Variants in SLC6A12 observed in about 807,000 individuals in gnomAD.
SLC6A12 encodes the protein sodium- and chloride-dependent betaine transporter.
A neutral mutation model predicts 73.3 loss-of-function variants in SLC6A12; 50 were observed. The observed-to-expected ratio is 0.68, with a 90% CI of 0.54 to 0.86. The LOEUF is 0.86. Among genes scored for constraint, SLC6A12 ranks in the 40% least tolerant of loss-of-function variants. The pLI is 0.00. For synonymous variants in SLC6A12, 304 were observed against 309.2 expected (o/e 0.98, Z 0.18); for missense variants, 648 against 772.8 (o/e 0.84, Z 1.92).
chr12:183,884 A>G, the SLC6A12 span, among the ~76,000 whole-genome samples: 1 of 152,172 alleles, frequency 6.6e-6, no homozygotes, highest in African/African-American at 2.4e-5. Flanking sequence ...CAAGGAACAG[A>G]TAATTCCAAT....
At chr12:186,232 A>T (rs1353870532), downstream of SLC6A12, among the ~76,000 whole-genome samples, 1 of 152,152 alleles carries the variant, frequency 6.6e-6, no homozygotes, top group African/African-American at 2.4e-5. Flanking sequence ...GACAGCACCC[A>T]CAGGCCACAG....
chr12:195,900 C>T (rs776720299), intron 12 of SLC6A12, among the ~76,000 whole-genome samples: 15 of 152,314 alleles, frequency 9.8e-5, no homozygotes, highest in Non-Finnish European at 2.2e-4. Context: ...TGACCCAATA[C>T]ATTCCCCTTT....
intron 4 of SLC6A12, chr12:204,249 AG>A (rs927281408): frequency 5.9e-6 from 2 of 336,872 alleles, no homozygotes; most frequent in African/African-American, 4.2e-5. Context: ...GCCATAGGTA[AG>A]CCAAGCTTCA....
intron 15 of SLC6A12, 140 bp downstream of exon 15, chr12:192,338 G>C (rs1361425567): frequency 4.2e-6 from 3 of 716,212 alleles, no homozygotes; most frequent in African/African-American, 3.5e-5. Context: ...AGTTCGTCTC[G>C]TTAAGATTCT....
intron 3 of SLC6A12, 36 bp from the exon 4 acceptor site, chr12:204,734 C>A: frequency 6.2e-7 from 1 of 1,610,916 alleles, no homozygotes; most frequent in African/African-American, 1.3e-5. Flanking sequence ...GAGCCACACC[C>A]GGGCTCTTCC....
intron 4 of SLC6A12, chr12:203,494 C>G (rs560240766): frequency 6.6e-6 from 1 of 152,112 alleles, no homozygotes; most frequent in Non-Finnish European, 1.5e-5. Flanking sequence ...TGGGGCGGCC[C>G]GGGCGTCCGC....
At chr12:202,967 A>AGGGTATTGGGTATT in intron 4 of SLC6A12, 87 bp from the exon 5 acceptor site, 1 of 1,241,578 alleles carries the variant, frequency 8.1e-7, no homozygotes, top group Non-Finnish European at 1.2e-6. Flanking sequence ...TGAGGTTACA[A>AGGGTATTGGGTATT]GGGTATTGGG....
rs781719176 is a variant in SLC6A12 at position 193,324 on chromosome 12, G to C, written c.1483C>G (p.Pro495Ala). 2.5e-6 allele frequency: 4 copies of C among 1,613,940 alleles called. No individual in the cohort carries two copies. Among genetic ancestry groups the C allele is most frequent in the Non-Finnish European group, 3.4e-6 (4 of 1,179,958 alleles). The stretch of plus-strand genomic sequence containing the variant: ...AAGAGCCAGGAGATCTTCACCAGGG[G>C]CCATGGCCGGTAGCCAATCATGTCC... ...IEDMIGYRPW[P>A]LVKISWLFLT... Residue 495 changes from proline (P) to alanine (A), a missense_variant, in exon 14 of 16, where the codon CCC (proline) becomes GCC (alanine). Pro to Ala is a conservative substitution (Grantham distance 27, BLOSUM62 -1). Transcript: ENST00000684302.
At chr12:201,555 G>A (rs768155546) in intron 6 of SLC6A12, 2 of 568,114 alleles carry the variant, frequency 3.5e-6, no homozygotes, top group Non-Finnish European at 6.4e-6. Context: ...GGACATGACG[G>A]ATAAATGTGA....
At chr12:205,470 C>G (rs185439888) in intron 3 of SLC6A12, among the ~76,000 whole-genome samples, 5 of 152,330 alleles carry the variant, frequency 3.3e-5, no homozygotes, top group African/African-American at 1.2e-4. Context: ...AAAACAACCT[C>G]CCATGGGGCA....
At position 191,382 on chromosome 12, in the gene SLC6A12, G is replaced by A. The variant is rs550431520; in HGVS notation, c.1702-171C>T. On this transcript the variant is annotated intron_variant, in intron 15 of 15. Transcript: ENST00000684302. ...AGGTGAGAAGGGAGGCAGCAATACC[G>A]TGACTACGAATGAGTGTGCGCTGCC... Among the ~76,000 whole-genome samples the A allele has an allele frequency of 4.6e-5, 7 of 152,344 alleles. No homozygotes were observed. The South Asian group carries it at 1.2e-3, about 27-fold the overall frequency.
At chr12:205,432 C>T (rs889227987) in intron 3 of SLC6A12, among the ~76,000 whole-genome samples, 1 of 152,202 alleles carries the variant, frequency 6.6e-6, no homozygotes, top group Non-Finnish European at 1.5e-5. Context: ...CACTCTTGTA[C>T]GTACTTCATC....
At chr12:184,898 G>A in the SLC6A12 span, among the ~76,000 whole-genome samples, 14 of 150,374 alleles carry the variant, frequency 9.3e-5, no homozygotes, top group African/African-American at 2.5e-4. Flanking sequence ...AAGCCACTGC[G>A]CTCCAGCCTG....
rs763174593 is a variant in SLC6A12 at position 192,464 on chromosome 12, C to CCTACA, written c.1701+9_1701+13dup. On this transcript the variant is annotated intron_variant, in intron 15 of 15. Transcript: ENST00000684302. Reference sequence around the variant, plus strand: ...GCCCTCCTTTAAGAGGTCACTCTCCCCTACACCACCTACCTTCCTGAAAGG... The same window carrying CCTACA: ...GCCCTCCTTTAAGAGGTCACTCTCCCCTACACTACACCACCTACCTTCCTGAAAGG... The CCTACA allele has an allele frequency of 2.5e-6, 4 of 1,613,368 alleles. No homozygotes were observed. Among genetic ancestry groups the CCTACA allele is most frequent in the South Asian group, 1.1e-5 (1 of 91,026 alleles).
intron 5 of SLC6A12, 32 bp downstream of exon 5, chr12:202,708 G>A (rs747647569): frequency 1.4e-5 from 23 of 1,603,284 alleles, no homozygotes; most frequent in Non-Finnish European, 1.8e-5. Flanking sequence ...GCCCCTAACA[G>A]GCAACATCCC....
intron 3 of SLC6A12, 38 bp downstream of exon 3, chr12:209,735 C>G (rs370778426): frequency 1.0e-4 from 166 of 1,612,838 alleles, no homozygotes; most frequent in Non-Finnish European, 1.4e-4. Flanking sequence ...TGCCAGCACA[C>G]AGCTCTCCCC....
chr12:184,594 C>A, the SLC6A12 span, among the ~76,000 whole-genome samples: 1 of 151,958 alleles, frequency 6.6e-6, no homozygotes. Flanking sequence ...ACTAAAAATA[C>A]AAAAAATTAG....
intron 3 of SLC6A12, among the ~76,000 whole-genome samples, chr12:207,898 C>T (rs1056765798): frequency 5.3e-5 from 8 of 152,140 alleles, no homozygotes; most frequent in Non-Finnish European, 1.2e-4. Flanking sequence ...TAACCGGATC[C>T]GATATTCCAT....
rs1939838308 is a variant in SLC6A12 at position 195,964 on chromosome 12, C to T, written c.1326+160G>A. 2.0e-5 allele frequency among the ~76,000 whole-genome samples: 3 copies of T among 152,180 alleles called. No individual in the cohort carries two copies. In the South Asian group the frequency reaches 6.2e-4, roughly 32 times the overall value. ...GCAACCAAAAGAGACCTCACAAATGCATGTTGTGTGGTCCCTACAACCTCA... is the reference window on the plus strand; with the variant it reads ...GCAACCAAAAGAGACCTCACAAATGTATGTTGTGTGGTCCCTACAACCTCA... On this transcript the variant is annotated intron_variant, in intron 12 of 15. Transcript: ENST00000684302.
Sources: gnomAD v4.1 joint callset for allele counts (sites outside exome capture counted in the v4.1 genomes callset) on GRCh38, gnomAD v4.1.1 for gene constraint, MANE v1.5 for transcripts, NCBI Gene and HGNC (gene_info 2026-07-23, HGNC 2026-07-21) for gene names.